PCDHGA2: variants seen among roughly 807,000 people sequenced by gnomAD.
PCDHGA2 encodes the protein protocadherin gamma-A2.
In PCDHGA2, 40 loss-of-function variants were observed where a neutral mutation model predicts 59.2. The observed-to-expected ratio is 0.68, with a 90% confidence interval of 0.52 to 0.88. The LOEUF (loss-of-function observed/expected upper bound fraction) is 0.88, where lower values mean the gene tolerates loss of function less well. Among genes scored for constraint, PCDHGA2 ranks in the 40% least tolerant of loss-of-function variants. PCDHGA2 has a pLI of 0.00. For synonymous variants in PCDHGA2, 560 were observed against 526.0 expected (o/e 1.06, Z -0.89); for missense variants, 1,226 against 1,204.0 (o/e 1.02, Z -0.27).
chr5:141,393,894 C>G lies in PCDHGA2; in HGVS notation c.2424+52499C>G, dbSNP rs201697840. 1.3e-3 allele frequency: 2,063 copies of G among 1,614,000 alleles called. 4 individuals are homozygous for G. Among genetic ancestry groups the G allele is most frequent in the Non-Finnish European group, 1.6e-3 (1,902 of 1,179,890 alleles). On this transcript the variant is annotated intron_variant, in intron 1 of 3. Transcript: ENST00000394576. ...GTTTAGCCCAGTGTTAGAAAATTCT[C>G]TTCCCGGGACAGTAATTGCCTTCTT...
intron 1 of PCDHGA2, chr5:141,398,582 T>A: frequency 6.2e-7 from 1 of 1,614,000 alleles, no homozygotes. Context: ...GGCACAAGAT[T>A]TATACTAGAA....
At chr5:141,400,637 C>T (rs1198861683) in intron 1 of PCDHGA2, 1 of 1,324,714 alleles carries the variant, frequency 7.5e-7, no homozygotes, top group Non-Finnish European at 1.1e-6. Flanking sequence ...GTCAGAGCTG[C>T]TCAGAAAGCT....
At chr5:141,423,659 A>T (rs369390148) in intron 1 of PCDHGA2, 133 of 1,551,038 alleles carry the variant, frequency 8.6e-5, no homozygotes, top group Non-Finnish European at 1.1e-4. Context: ...ACAAGTAATC[A>T]GGTGAGATTT....
At chr5:141,415,284 G>A (rs186109113) in intron 1 of PCDHGA2, 27 of 1,614,198 alleles carry the variant, frequency 1.7e-5, no homozygotes, top group Non-Finnish European at 2.3e-5. Context: ...CGGTGGCCGC[G>A]GTCTCCTGCG....
In PCDHGA2 at chr5:141,511,236, C is replaced by T; in HGVS notation, c.*63C>T. 4 of 1,591,606 alleles carry T rather than the reference C, an allele frequency of 2.5e-6. No individual in the cohort carries two copies. Among genetic ancestry groups the T allele is most frequent in the Admixed American group, 3.6e-5 (2 of 56,022 alleles). ...CCCAACCAGCCCAGCTTCTCCTTAC[C>T]TGCACCCAGGCCTCAGAGTTTCAGG... On this transcript the variant is annotated 3_prime_UTR_variant, in exon 4 of 4. Transcript: ENST00000394576.
chr5:141,397,876 C>A (rs2093580679), intron 1 of PCDHGA2: 1 of 579,756 alleles, frequency 1.7e-6, no homozygotes, highest in East Asian at 2.9e-5. Flanking sequence ...TGACTCTGGG[C>A]GCCGCTGTTG....
In PCDHGA2 at chr5:141,361,092, C is replaced by G. The variant is rs377144808; in HGVS notation, c.2424+19697C>G. The G allele has an allele frequency of 5.0e-5, 81 of 1,613,938 alleles. 2 individuals carry two copies. In the African/African-American group the frequency reaches 7.2e-4, roughly 14 times the overall value. On this transcript the variant is annotated intron_variant, in intron 1 of 3. Transcript: ENST00000394576. Reference sequence around the variant, plus strand: ...TTGCAAGTAGTTACACTCTGAGTATCGAAGCAAAAGATCCTGGAGATCTAG... The same window carrying G: ...TTGCAAGTAGTTACACTCTGAGTATGGAAGCAAAAGATCCTGGAGATCTAG...
chr5:141,400,501 G>A lies in PCDHGA2; in HGVS notation c.2424+59106G>A, dbSNP rs574905149. 3.4e-5 allele frequency: 55 copies of A among 1,613,996 alleles called. 1 individual carries two copies. The East Asian group carries it at 1.1e-3, about 33-fold the overall frequency. On this transcript the variant is annotated intron_variant, in intron 1 of 3. Coordinates refer to ENST00000394576, the MANE Select transcript of PCDHGA2 (RefSeq NM_018915.4). ...CTTATTTCCACTTTGTAATTCCAGC[G>A]AGTCGACTTCCCATCCTGAGTTGGT... is the stretch of plus-strand genomic sequence containing the variant.
rs1160156030 is a variant in PCDHGA2 at position 141,477,238 on chromosome 5, C to T, written c.2425-17569C>T. 20 of 1,614,094 alleles carry T rather than the reference C, an allele frequency of 1.2e-5. No individual in the cohort carries two copies. The highest frequency in any genetic ancestry group is 5.0e-5 in the Admixed American group (3 of 60,006). The stretch of plus-strand genomic sequence containing the variant: ...CTCTGGGGACTGTCATCGCTTTGCT[C>T]AGTGTGACTGACCTGGATGCTGGCG... On this transcript the variant is annotated intron_variant, in intron 1 of 3. Transcript: ENST00000394576. This position sits in a 1 kb window ranked among gnomAD's most constrained non-coding sequence, Gnocchi z 4.9.
intron 1 of PCDHGA2, chr5:141,355,258 C>G (rs1330047112): frequency 6.2e-7 from 1 of 1,613,408 alleles, no homozygotes; most frequent in Non-Finnish European, 8.5e-7. Flanking sequence ...CTGCCTTCTC[C>G]TGGGGGTTCT....
In PCDHGA2 at chr5:141,410,786, TTCA is replaced by T. The variant is rs1001093749; in HGVS notation, c.2424+69393_2424+69395del. ...ATTATAGTTTTCACTATGTATTTGG[TTCA>T]TAAGTTGCTCTATCTTTTTGTAAAA... On this transcript the variant is annotated intron_variant, in intron 1 of 3. Transcript: ENST00000394576. 39 of 852,378 alleles carry T rather than the reference TTCA, an allele frequency of 4.6e-5. No homozygotes were observed. In the African/African-American group the frequency reaches 6.2e-4, roughly 13 times the overall value. 52.8% of individuals were successfully genotyped at this position (852,378 alleles called of 1,614,324 possible). A position where few individuals can be genotyped will look rare whatever the true frequency, so the allele number is the denominator to read the frequency against.
intron 1 of PCDHGA2, chr5:141,403,154 T>G (rs1166937788): frequency 6.2e-7 from 1 of 1,614,024 alleles, no homozygotes; most frequent in Non-Finnish European, 8.5e-7. Flanking sequence ...CCGCATCGTC[T>G]CTAGAGGTAG....
At position 141,511,256 on chromosome 5, in the gene PCDHGA2, T is replaced by C. The variant is rs1003866304; in HGVS notation, c.*83T>C. On this transcript the variant is annotated 3_prime_UTR_variant, in exon 4 of 4. Transcript: ENST00000394576. ...CTTACCTGCACCCAGGCCTCAGAGT[T>C]TCAGGGCTAACCCCCAGAATACTGG... The C allele has an allele frequency of 1.9e-6, 3 of 1,563,388 alleles. No homozygotes were observed. The highest frequency in any genetic ancestry group is 2.7e-5 in the African/African-American group (2 of 73,508).
chr5:141,340,457 G>C lies in PCDHGA2; in HGVS notation c.1486G>C (p.Val496Leu). The change falls in exon 1 of 4, where the codon GTT (valine) becomes CTT (leucine). Residue 496 changes from valine (V) to leucine (L), a missense_variant. Coordinates refer to ENST00000394576, the MANE Select transcript of PCDHGA2 (RefSeq NM_018915.4). Reference sequence around the variant, plus strand: ...AACTTACTCTTTCGCGGAGGACACTGTTCAGGGGGCACCCTTATCCTCTTA... The same window carrying C: ...AACTTACTCTTTCGCGGAGGACACTCTTCAGGGGGCACCCTTATCCTCTTA... ...HVTYSFAEDTVQGAPLSSYIS... is the reference protein window; with the variant it reads ...HVTYSFAEDTLQGAPLSSYIS... 1 of 1,614,196 alleles carries C rather than the reference G, an allele frequency of 6.2e-7. No individual in the cohort carries two copies. The highest frequency in any genetic ancestry group is 1.1e-5 in the South Asian group (1 of 91,084).
At chr5:141,509,069 G>T (rs1463164307) in intron 3 of PCDHGA2, among the ~76,000 whole-genome samples, 1 of 152,174 alleles carries the variant, frequency 6.6e-6, no homozygotes, top group Non-Finnish European at 1.5e-5. Flanking sequence ...CTCAGCTCCG[G>T]GGATTTGCGA....
intron 1 of PCDHGA2, chr5:141,399,197 T>G: frequency 6.2e-7 from 1 of 1,613,926 alleles, no homozygotes; most frequent in Non-Finnish European, 8.5e-7. Context: ...GAAAACGCGG[T>G]GCCTGGAACA....
intron 1 of PCDHGA2, among the ~76,000 whole-genome samples, chr5:141,461,391 G>A (rs1310387476): frequency 1.3e-5 from 2 of 152,058 alleles, no homozygotes; most frequent in East Asian, 1.9e-4. Context: ...GATGATTAGC[G>A]ATGTTGAGCA....
chr5:141,505,628 A>C, intron 3 of PCDHGA2, 147 bp downstream of exon 3: 1 of 1,481,752 alleles, frequency 6.7e-7, no homozygotes, highest in Non-Finnish European at 9.0e-7. Flanking sequence ...ACAATTCCAA[A>C]CATAAAGCCT....
At chr5:141,388,632 A>C in intron 1 of PCDHGA2, 1 of 1,613,958 alleles carries the variant, frequency 6.2e-7, no homozygotes, top group Non-Finnish European at 8.5e-7. Context: ...ATACAGGGTG[A>C]GCCTTTCAGA....
Sources: allele counts gnomAD v4.1 joint callset (sites outside exome capture counted in the v4.1 genomes callset), GRCh38; gene constraint gnomAD v4.1.1; non-coding constraint Gnocchi (gnomAD v3.1); transcripts MANE v1.5; gene names NCBI Gene and HGNC (gene_info 2026-07-23, HGNC 2026-07-21).